Variants in GALNT13 observed in about 807,000 individuals in gnomAD.
GALNT13 encodes UDP-GalNAc:polypeptide N-acetylgalactosaminyltransferase 13.
Under a neutral mutation model 64.2 loss-of-function variants are expected in GALNT13, and 28 were observed. The ratio of observed to expected loss-of-function variants is 0.44; its 90% CI spans 0.32 to 0.60. The LOEUF is 0.60. Among genes scored for constraint, GALNT13 ranks in the 20% least tolerant of loss-of-function variants. The pLI, the probability that GALNT13 is intolerant of heterozygous loss-of-function variation, is 0.05. For synonymous variants in GALNT13, 214 were observed against 224.6 expected, an observed-to-expected ratio of 0.95 and a Z score of 0.42; for missense variants, 577 against 669.8, an observed-to-expected ratio of 0.86 and a Z score of 1.53.
intron 2 of GALNT13, among the ~76,000 whole-genome samples, chr2:153,906,852 A>T (rs997269724): frequency 6.6e-6 from 1 of 151,940 alleles, no homozygotes; most frequent in Non-Finnish European, 1.5e-5. Flanking sequence ...ACTAGTTTAC[A>T]GTCCCACCAA....
At chr2:153,328,980 G>A in the GALNT13 span, among the ~76,000 whole-genome samples, 471 of 152,250 alleles carry the variant, frequency 3.1e-3, 18 homozygotes, top group East Asian at 0.082. Context: ...TGCAAAGACC[G>A]TGGGAAAAGC....
chr2:154,090,470 T>A (rs1436636240), intron 3 of GALNT13, among the ~76,000 whole-genome samples: 1 of 152,068 alleles, frequency 6.6e-6, no homozygotes, highest in African/African-American at 2.4e-5. Context: ...GCCCAAAATA[T>A]CAGCACAAAA....
the GALNT13 span, among the ~76,000 whole-genome samples, chr2:153,638,551 A>G: frequency 2.0e-5 from 2 of 97,770 alleles, 1 homozygote; most frequent in South Asian, 8.5e-4. Flanking sequence ...AGAATAGTAC[A>G]TCTTTGAATA....
intron 2 of GALNT13, among the ~76,000 whole-genome samples, chr2:153,913,298 G>A (rs1023438149): frequency 9.9e-5 from 15 of 152,160 alleles, no homozygotes; most frequent in African/African-American, 1.4e-4. Context: ...GGGGTGGGGG[G>A]CAGCATGCAT....
chr2:153,998,010 A>T (rs962681512), intron 3 of GALNT13, among the ~76,000 whole-genome samples: 2 of 152,152 alleles, frequency 1.3e-5, no homozygotes, highest in African/African-American at 2.4e-5. Flanking sequence ...TCCATGGTGT[A>T]TATGTGCCAC....
At chr2:153,342,573 C>T in the GALNT13 span, among the ~76,000 whole-genome samples, 1 of 152,324 alleles carries the variant, frequency 6.6e-6, no homozygotes, top group East Asian at 1.9e-4. Flanking sequence ...AAACACATTA[C>T]AATTTGACTT....
At chr2:153,901,509 T>A (rs6730525) in intron 2 of GALNT13, among the ~76,000 whole-genome samples, 115,914 of 151,872 alleles carry the variant, frequency 0.76, 44,611 homozygotes, top group East Asian at 0.96. Flanking sequence ...AGTGTTTTGT[T>A]GAGAACTTTC....
At chr2:154,132,522 G>A (rs1387833354) in intron 3 of GALNT13, among the ~76,000 whole-genome samples, 1 of 151,922 alleles carries the variant, frequency 6.6e-6, no homozygotes, top group African/African-American at 2.4e-5. Context: ...AGATATTTGT[G>A]GGGGTGATGA....
the GALNT13 span, among the ~76,000 whole-genome samples, chr2:153,803,691 CAA>C: frequency 5.7e-5 from 6 of 105,092 alleles, no homozygotes; most frequent in African/African-American, 7.4e-5. Context: ...GACTCTGTCT[CAA>C]AAAAAAAAAA....
intron 3 of GALNT13, among the ~76,000 whole-genome samples, chr2:154,088,730 G>T (rs1701655409): frequency 6.6e-6 from 1 of 152,126 alleles, no homozygotes. Flanking sequence ...TGGGATTACA[G>T]GTGTAAGCCA....
chr2:153,251,242 A>C, the GALNT13 span, among the ~76,000 whole-genome samples: 1 of 152,166 alleles, frequency 6.6e-6, no homozygotes, highest in South Asian at 2.1e-4. Context: ...ATCTCCTATA[A>C]TTCTAATATG....
chr2:153,571,625 T>C, the GALNT13 span, among the ~76,000 whole-genome samples: 1 of 151,976 alleles, frequency 6.6e-6, no homozygotes, highest in Non-Finnish European at 1.5e-5. Flanking sequence ...ATGTTCCTTC[T>C]ATACCCAATT....
At chr2:153,822,835 T>C in the GALNT13 span, among the ~76,000 whole-genome samples, 3 of 152,196 alleles carry the variant, frequency 2.0e-5, no homozygotes, top group South Asian at 6.2e-4. Flanking sequence ...AGTCAAATTA[T>C]TTCTCTTTGT....
At chr2:153,069,341 T>C in the GALNT13 span, among the ~76,000 whole-genome samples, 2 of 152,198 alleles carry the variant, frequency 1.3e-5, no homozygotes, top group East Asian at 3.8e-4. Context: ...GATTCTTTTT[T>C]TGTAAGGTCC....
the GALNT13 span, among the ~76,000 whole-genome samples, chr2:153,204,421 G>A: frequency 2.6e-5 from 4 of 152,268 alleles, no homozygotes; most frequent in African/African-American, 7.2e-5. Context: ...TGTATATGGC[G>A]CATTTGGGAA....
chr2:153,539,706 T>C, the GALNT13 span, among the ~76,000 whole-genome samples: 1 of 151,428 alleles, frequency 6.6e-6, no homozygotes, highest in South Asian at 2.1e-4. Flanking sequence ...TAGTTGTAGA[T>C]ATGCGGCGTT....
the GALNT13 span, among the ~76,000 whole-genome samples, chr2:153,619,131 ATGAG>A: frequency 6.6e-6 from 1 of 151,906 alleles, no homozygotes. Flanking sequence ...TCTAGGGAAG[ATGAG>A]TTTCTCTGGT....
At chr2:153,946,865 C>T (rs956936560) in intron 3 of GALNT13, among the ~76,000 whole-genome samples, 4 of 152,010 alleles carry the variant, frequency 2.6e-5, no homozygotes, top group Non-Finnish European at 4.4e-5. Flanking sequence ...TTTCAGTTGT[C>T]ACTTGTTATT....
At chr2:153,650,119 A>C in the GALNT13 span, among the ~76,000 whole-genome samples, 15 of 152,130 alleles carry the variant, frequency 9.9e-5, no homozygotes, top group African/African-American at 2.9e-4. Flanking sequence ...GTAGTTCTCT[A>C]AGGACTTGCT....
Sources: gnomAD v4.1 joint callset for allele counts (sites outside exome capture counted in the v4.1 genomes callset) on GRCh38, gnomAD v4.1.1 for gene constraint, MANE v1.5 for transcripts, NCBI Gene and HGNC (gene_info 2026-07-23, HGNC 2026-07-21) for gene names.